The following TBXT variants were observed in gnomAD, a reference collection of about 807,000 sequenced individuals.
The protein encoded by TBXT is T brachyury transcription factor.
TBXT carries 19 observed loss-of-function variants against 41.1 expected under a neutral mutation model. That is an observed-to-expected ratio of 0.46 (90% CI 0.32 to 0.68). The LOEUF (loss-of-function observed/expected upper bound fraction) is 0.68, where lower values mean the gene tolerates loss of function less well. Ranked by LOEUF, TBXT falls within the 30% of genes least tolerant of loss-of-function variation. TBXT has a pLI of 0.03. For missense variants in TBXT, 536 were observed against 582.0 expected (o/e 0.92, Z 0.81); for synonymous variants, 213 against 238.9 (o/e 0.89, Z 1.00).
chr6:166,163,691 C>T (rs1779026208), intron 5 of TBXT, among the ~76,000 whole-genome samples: 1 of 152,206 alleles, frequency 6.6e-6, no homozygotes, highest in African/African-American at 2.4e-5. Context: ...TCCTCTTCTA[C>T]ACTCTTCAAG....
chr6:166,166,753 A>T lies in TBXT; in HGVS notation c.310T>A (p.Tyr104Asn). The change falls in exon 2 of 8, where the codon TAC becomes AAC. Residue 104 changes from tyrosine (Y) to asparagine (N), a missense_variant. By Grantham distance (143) the Tyr-to-Asn change is moderately radical. Transcript: ENST00000366876. The stretch of plus-strand genomic sequence containing the variant: ...CCCGGCACCCATTCCCCGTTCACGT[A>T]CTTCCAGCGGTGGTTGTCCGCCGCC... ...FVAADNHRWK[Y>N]VNGEWVPGGK... 1 of 1,613,734 alleles carries T rather than the reference A, an allele frequency of 6.2e-7. No homozygotes were observed. The highest frequency in any genetic ancestry group is 1.1e-5 in the South Asian group (1 of 91,090).
Position 166,166,632 on chromosome 6 carries a change from C to G in TBXT, c.431G>C (p.Ser144Thr), listed in dbSNP as rs1449282003. Residue 144 changes from serine to threonine, a missense_variant, in exon 2 of 8, where the codon AGC becomes ACC. By Grantham distance (58) the Ser-to-Thr change is moderately conservative. Coordinates refer to ENST00000366876, the MANE Select transcript of TBXT (RefSeq NM_001366285.2). The stretch of plus-strand genomic sequence containing the variant: ...GAGCTTGTTGGTGAGCTTGACTTTG[C>G]TGAAGGAGACGGGAGCCTTCATCCA... The part of the protein sequence containing the change: ...AHWMKAPVSF[S>T]KVKLTNKLNG... The G allele has an allele frequency of 6.2e-7, 1 of 1,614,074 alleles. No homozygotes were observed. Among genetic ancestry groups the G allele is most frequent in the East Asian group, 2.2e-5 (1 of 44,878 alleles).
intron 2 of TBXT, among the ~76,000 whole-genome samples, 197 bp downstream of exon 2, chr6:166,166,394 TC>T (rs958923239): frequency 6.6e-6 from 1 of 152,180 alleles, no homozygotes; most frequent in Non-Finnish European, 1.5e-5. Flanking sequence ...GTGCTCCCGC[TC>T]CCCGTTCGCC....
At chr6:166,161,898 G>A (rs1778967821) in intron 6 of TBXT, among the ~76,000 whole-genome samples, 1 of 151,914 alleles carries the variant, frequency 6.6e-6, no homozygotes, top group Non-Finnish European at 1.5e-5. Context: ...ACTCCAGCCT[G>A]GGCGACAGAG....
intron 6 of TBXT, 28 bp from the exon 7 acceptor site, chr6:166,160,994 T>C (rs151121198): frequency 6.2e-7 from 1 of 1,612,938 alleles, no homozygotes; most frequent in East Asian, 2.2e-5. Context: ...CAAAGTGCAA[T>C]TATAGATGGT....
At chr6:166,167,918 A>C (rs963402491), upstream of TBXT, 12 of 427,522 alleles carry the variant, frequency 2.8e-5, no homozygotes, top group Non-Finnish European at 4.8e-5. Flanking sequence ...TGCTCGGCGG[A>C]TTGGGCCGCG....
In TBXT at chr6:166,166,692, T is replaced by C; in HGVS notation, c.371A>G (p.Tyr124Cys). Residue 124 changes from tyrosine to cysteine, a missense_variant, in exon 2 of 8, where the codon TAC becomes TGC. Transcript: ENST00000366876. ...KPEPQAPSCVYIHPDSPNFGA... is the reference protein window; with the variant it reads ...KPEPQAPSCVCIHPDSPNFGA... ...GAAGTTGGGCGAGTCGGGGTGGATGTAGACGCAGCTGGGCGCCTGCGGCTC... is the reference window on the plus strand; with the variant it reads ...GAAGTTGGGCGAGTCGGGGTGGATGCAGACGCAGCTGGGCGCCTGCGGCTC... 6.2e-7 allele frequency: 1 copy of C among 1,613,992 alleles called. No individual in the cohort carries two copies. The highest frequency in any genetic ancestry group is 8.5e-7 in the Non-Finnish European group (1 of 1,180,040).
At position 166,158,262 on chromosome 6, in the gene TBXT, T is replaced by C; in HGVS notation, c.*53A>G. ...CCTAGTAGGTCAATCCAGTCACCAC[T>C]GGCTGCCACGACAAAAAGTCACTGC... On this transcript the variant is annotated 3_prime_UTR_variant, in exon 8 of 8. Coordinates refer to ENST00000366876, the MANE Select transcript of TBXT (RefSeq NM_001366285.2). 2.5e-6 allele frequency: 4 copies of C among 1,614,122 alleles called. No homozygotes were observed. Among genetic ancestry groups the C allele is most frequent in the Non-Finnish European group, 2.5e-6 (3 of 1,179,996 alleles).
intron 7 of TBXT, among the ~76,000 whole-genome samples, chr6:166,159,857 C>T (rs1337762406): frequency 2.6e-5 from 4 of 152,158 alleles, no homozygotes; most frequent in Admixed American, 6.5e-5. Context: ...TTGCAGTGTG[C>T]GGGTCATCTG....
At chr6:166,160,234 T>C (rs1057060905) in intron 7 of TBXT, among the ~76,000 whole-genome samples, 5 of 152,220 alleles carry the variant, frequency 3.3e-5, no homozygotes, top group Non-Finnish European at 7.3e-5. Flanking sequence ...GTAAGCCTTT[T>C]TCCCTCTGCA....
Position 166,167,574 on chromosome 6 carries a change from G to A in TBXT, c.18C>T (p.Thr6=), listed in dbSNP as rs762539762. 2 of 1,567,812 alleles carry A rather than the reference G, an allele frequency of 1.3e-6. No homozygotes were observed. Among genetic ancestry groups the A allele is most frequent in the South Asian group, 2.3e-5 (2 of 86,786 alleles). Residue 6 remains threonine, a synonymous_variant, in exon 1 of 8, where the codon ACC becomes ACT. Coordinates refer to ENST00000366876, the MANE Select transcript of TBXT (RefSeq NM_001366285.2). MSSPG[T]ESAGKSLQYR... ...ACTGCAGGCTCTTTCCCGCGCTCTC[G>A]GTGCCAGGGGAGCTCATCCTCCCGT...
chr6:166,160,387 A>T (rs1346658763), intron 7 of TBXT, among the ~76,000 whole-genome samples: 2 of 152,168 alleles, frequency 1.3e-5, no homozygotes, highest in African/African-American at 4.8e-5. Flanking sequence ...AAGGTTCCGA[A>T]ACGATCTCTT....
intron 5 of TBXT, 35 bp downstream of exon 5, chr6:166,164,570 C>G: frequency 6.2e-7 from 1 of 1,613,038 alleles, no homozygotes; most frequent in Non-Finnish European, 8.5e-7. Flanking sequence ...GTCCCGATGA[C>G]GCAGAATGAC....
In TBXT at chr6:166,166,797, G is replaced by A; in HGVS notation, c.266C>T (p.Ser89Phe). 1 of 1,613,936 alleles carries A rather than the reference G, an allele frequency of 6.2e-7. No individual in the cohort carries two copies. The highest frequency in any genetic ancestry group is 8.5e-7 in the Non-Finnish European group (1 of 1,180,052). ...CGCCGCCACGAAGTCCAGCAGGAAGGAGTACATGGCGTTGGGGTCCAGGCC... is the reference window on the plus strand; with the variant it reads ...CGCCGCCACGAAGTCCAGCAGGAAGAAGTACATGGCGTTGGGGTCCAGGCC... ...VSGLDPNAMY[S>F]FLLDFVAADN... The change falls in exon 2 of 8, where the codon TCC (serine) becomes TTC (phenylalanine). Residue 89 changes from serine (S) to phenylalanine (F), a missense_variant. Coordinates refer to ENST00000366876, the MANE Select transcript of TBXT (RefSeq NM_001366285.2).
chr6:166,161,937 A>AT (rs1368120421), intron 6 of TBXT, among the ~76,000 whole-genome samples: 1 of 151,984 alleles, frequency 6.6e-6, no homozygotes, highest in Non-Finnish European at 1.5e-5. Flanking sequence ...AAAAGCACAC[A>AT]TTGCCGGGCC....
At chr6:166,167,022 A>G (rs140522778) in intron 1 of TBXT, among the ~76,000 whole-genome samples, 166 bp from the exon 2 acceptor site, 27 of 152,320 alleles carry the variant, frequency 1.8e-4, no homozygotes, top group Admixed American at 3.3e-4. Flanking sequence ...TGCCAGGTCC[A>G]GGTGGCCTCC....
At position 166,167,368 on chromosome 6, in the gene TBXT, C is replaced by T; in HGVS notation, c.206+18G>A. 6.2e-7 allele frequency: 1 copy of T among 1,611,772 alleles called. No homozygotes were observed. Among genetic ancestry groups the T allele is most frequent in the Non-Finnish European group, 8.5e-7 (1 of 1,179,744 alleles). ...CGCTGGAGAGCGCGGCGCGCGCGGG[C>T]TCCGGACGCGCACCCACCTGCCGTT... On this transcript the variant is annotated intron_variant, in intron 1 of 7. Coordinates refer to ENST00000366876, the MANE Select transcript of TBXT (RefSeq NM_001366285.2).
At position 166,158,558 on chromosome 6, in the gene TBXT, G is replaced by A. The variant is rs200879575; in HGVS notation, c.1068C>T (p.Asn356=). ...CCTGGGAGCCCGGGGTGACGGCGCC[G>A]TTGCTCACAGACCACAGGCTGGGGT... The part of the protein sequence containing the change: ...SQYPSLWSVS[N]GAVTPGSQAA... Residue 356 remains asparagine (N), a synonymous_variant, in exon 8 of 8, where the codon AAC becomes AAT. Coordinates refer to ENST00000366876, the MANE Select transcript of TBXT (RefSeq NM_001366285.2). The A allele has an allele frequency of 7.0e-5, 110 of 1,578,456 alleles. No homozygotes were observed. In the African/African-American group the frequency reaches 1.2e-3, roughly 17 times the overall value.
At chr6:166,167,925 C>T (rs1027787005), upstream of TBXT, 1 of 414,730 alleles carries the variant, frequency 2.4e-6, no homozygotes, top group East Asian at 5.0e-5. Context: ...CGGATTGGGC[C>T]GCGCACGCTT....
Sources: gnomAD v4.1 joint callset for allele counts (sites outside exome capture counted in the v4.1 genomes callset) on GRCh38, gnomAD v4.1.1 for gene constraint, MANE v1.5 for transcripts, NCBI Gene and HGNC (gene_info 2026-07-23, HGNC 2026-07-21) for gene names.